NKAIN2: variants seen among roughly 807,000 people sequenced by gnomAD.
The protein encoded by NKAIN2 is sodium/potassium transporting ATPase interacting 2, also known as sodium/potassium-transporting ATPase subunit beta-1-interacting protein 2.
Under a neutral mutation model 32.6 loss-of-function variants are expected in NKAIN2, and 14 were observed. That is an observed-to-expected ratio of 0.43 (90% confidence interval 0.28 to 0.67). NKAIN2 has a LOEUF of 0.67. NKAIN2 is among the 30% of genes least tolerant of loss of function. NKAIN2 has a pLI of 0.17. For synonymous variants in NKAIN2, 80 were observed against 87.2 expected (o/e 0.92, Z 0.46); for missense variants, 198 against 258.3 (o/e 0.77, Z 1.60).
intron 3 of NKAIN2, among the ~76,000 whole-genome samples, chr6:124,521,218 C>T (rs1779108037): frequency 6.6e-6 from 1 of 152,124 alleles, no homozygotes. Context: ...ATCACTGTTC[C>T]CCGTCTTACA....
chr6:124,077,599 A>G (rs1343628182), intron 1 of NKAIN2, among the ~76,000 whole-genome samples: 6 of 152,106 alleles, frequency 3.9e-5, no homozygotes, highest in Non-Finnish European at 4.4e-5. Flanking sequence ...TCTCACTGGC[A>G]ATGTGAATTG....
At chr6:124,044,180 A>G (rs1176264879) in intron 1 of NKAIN2, among the ~76,000 whole-genome samples, 1 of 152,044 alleles carries the variant, frequency 6.6e-6, no homozygotes, top group Non-Finnish European at 1.5e-5. Context: ...CACCATTATT[A>G]TGTAGTAGGA....
At chr6:124,666,613 A>G (rs2114458993) in intron 4 of NKAIN2, among the ~76,000 whole-genome samples, 1 of 152,322 alleles carries the variant, frequency 6.6e-6, no homozygotes, top group South Asian at 2.1e-4. Context: ...GTTAAAGTCA[A>G]CAGTATACAA....
chr6:124,451,208 C>T (rs937272694), intron 3 of NKAIN2, among the ~76,000 whole-genome samples: 11 of 152,050 alleles, frequency 7.2e-5, no homozygotes, highest in African/African-American at 2.7e-4. Flanking sequence ...TTTATTTTTC[C>T]ATTTTACTTT....
chr6:124,756,505 A>G (rs2114723611), intron 4 of NKAIN2, among the ~76,000 whole-genome samples: 1 of 152,268 alleles, frequency 6.6e-6, no homozygotes, highest in East Asian at 1.9e-4. Flanking sequence ...AAGAATATTT[A>G]AATAGGCAAG....
intron 1 of NKAIN2, among the ~76,000 whole-genome samples, chr6:124,096,557 A>G (rs1289373008): frequency 2.6e-5 from 4 of 152,138 alleles, no homozygotes; most frequent in Non-Finnish European, 5.9e-5. Context: ...GGCTTTCTCC[A>G]TGTTCATCTT....
At chr6:124,746,131 G>A (rs1777441788) in intron 4 of NKAIN2, among the ~76,000 whole-genome samples, 1 of 151,930 alleles carries the variant, frequency 6.6e-6, no homozygotes, top group African/African-American at 2.4e-5. Context: ...TTGATGACAG[G>A]TCTGTCTCAG....
intron 4 of NKAIN2, among the ~76,000 whole-genome samples, chr6:124,696,085 G>C (rs1025685321): frequency 1.3e-5 from 2 of 152,144 alleles, no homozygotes; most frequent in African/African-American, 4.8e-5. Flanking sequence ...TGGTCTCTCT[G>C]TGTAGCATTT....
intron 2 of NKAIN2, among the ~76,000 whole-genome samples, chr6:124,290,411 A>G (rs1299959761): frequency 6.6e-6 from 1 of 152,010 alleles, no homozygotes; most frequent in Non-Finnish European, 1.5e-5. Context: ...TTTTTAATCA[A>G]AAAGTAAAAT....
At position 124,407,617 on chromosome 6, in the gene NKAIN2, C is replaced by T. The variant is rs1386899733; in HGVS notation, c.273+52270C>T. ...TCATTGTTGGACATTTGGGTTGGTT[C>T]CAAGTCTTTGCTATTGTGACTAGTG... On this transcript the variant is annotated intron_variant, in intron 3 of 6. Coordinates refer to ENST00000368417, the MANE Select transcript of NKAIN2 (RefSeq NM_001040214.3). Among the ~76,000 whole-genome samples, 4 of 151,950 alleles carry T rather than the reference C, an allele frequency of 2.6e-5. No homozygotes were observed. The South Asian group carries it at 6.2e-4, about 24-fold the overall frequency.
Position 124,646,951 on chromosome 6 carries a change from AAAAAAC to A in NKAIN2, c.274-11212_274-11207del, listed in dbSNP as rs532036552. The stretch of plus-strand genomic sequence containing the variant: ...GGGTGACAGAGGAAGACTCCGTCTC[AAAAAAC>A]AAAAACAAAAACAAAAACAAAACAA... On this transcript the variant is annotated intron_variant, in intron 3 of 6. Transcript: ENST00000368417. 7.4e-3 allele frequency among the ~76,000 whole-genome samples: 1,129 copies of A among 152,154 alleles called. 5 individuals carry two copies. The highest frequency in any genetic ancestry group is 0.013 in the Non-Finnish European group (856 of 67,994).
chr6:124,021,816 A>G (rs1249919313), intron 1 of NKAIN2, among the ~76,000 whole-genome samples: 1 of 152,098 alleles, frequency 6.6e-6, no homozygotes, highest in African/African-American at 2.4e-5. Flanking sequence ...GCCTTTAATT[A>G]TATTAACTAG....
chr6:124,376,171 AACCC>A (rs1321184712), intron 3 of NKAIN2, among the ~76,000 whole-genome samples: 1 of 152,090 alleles, frequency 6.6e-6, no homozygotes, highest in African/African-American at 2.4e-5. Flanking sequence ...CAACTCTAAA[AACCC>A]ACCCTGATAA....
chr6:124,465,329 G>T (rs951078197), intron 3 of NKAIN2, among the ~76,000 whole-genome samples: 1 of 152,048 alleles, frequency 6.6e-6, no homozygotes, highest in Non-Finnish European at 1.5e-5. Context: ...CATGTCCTTT[G>T]CAGGGACATG....
At chr6:124,126,042 A>G (rs1367240225) in intron 1 of NKAIN2, among the ~76,000 whole-genome samples, 1 of 152,046 alleles carries the variant, frequency 6.6e-6, no homozygotes, top group Non-Finnish European at 1.5e-5. Flanking sequence ...CTTTCTAATT[A>G]TCTGGCTTCT....
At chr6:124,487,173 C>T (rs2114715283) in intron 3 of NKAIN2, among the ~76,000 whole-genome samples, 1 of 152,088 alleles carries the variant, frequency 6.6e-6, no homozygotes, top group Non-Finnish European at 1.5e-5. Flanking sequence ...GTCTAAATTT[C>T]TTTATATATC....
chr6:124,193,512 T>G (rs997050701), intron 1 of NKAIN2, among the ~76,000 whole-genome samples: 1 of 152,076 alleles, frequency 6.6e-6, no homozygotes, highest in African/African-American at 2.4e-5. Context: ...CGCAGAGCCC[T>G]AAGGAAGGAG....
intron 1 of NKAIN2, among the ~76,000 whole-genome samples, chr6:123,891,483 G>C (rs535410725): frequency 1.3e-5 from 2 of 152,172 alleles, no homozygotes; most frequent in Admixed American, 6.5e-5. Context: ...TGCATACCAA[G>C]GGAAAGTGGA....
At position 124,286,388 on chromosome 6, in the gene NKAIN2, A is replaced by T. The variant is rs542334120; in HGVS notation, c.192+3246A>T. ...AAATACCTAGGTATAATCAAATAAT[A>T]TGAACAATTTTAAGGCTTTTACTAT... On this transcript the variant is annotated intron_variant, in intron 2 of 6. Coordinates refer to ENST00000368417, the MANE Select transcript of NKAIN2 (RefSeq NM_001040214.3). 2.6e-5 allele frequency among the ~76,000 whole-genome samples: 4 copies of T among 152,192 alleles called. No homozygotes were observed. In the East Asian group the frequency reaches 7.7e-4, roughly 29 times the overall value.
Sources: allele counts gnomAD v4.1 joint callset (sites outside exome capture counted in the v4.1 genomes callset), GRCh38; gene constraint gnomAD v4.1.1; transcripts MANE v1.5; gene names NCBI Gene and HGNC (gene_info 2026-07-23, HGNC 2026-07-21).